Variants in GPLD1 observed in about 807,000 individuals in gnomAD.
GPLD1 encodes phosphatidylinositol-glycan-specific phospholipase D.
In GPLD1, 84 loss-of-function variants were observed where a neutral mutation model predicts 112.6. That is an observed-to-expected ratio of 0.75 (90% confidence interval 0.63 to 0.89). The LOEUF is 0.89. Among genes scored for constraint, GPLD1 ranks in the 40% least tolerant of loss-of-function variants. The pLI, the probability that GPLD1 is intolerant of heterozygous loss-of-function variation, is 0.00. For missense variants in GPLD1, 1,044 were observed against 1,051.5 expected, an observed-to-expected ratio of 0.99 and a Z score of 0.10; for synonymous variants, 386 against 403.8, an observed-to-expected ratio of 0.96 and a Z score of 0.53.
intron 24 of GPLD1, among the ~76,000 whole-genome samples, chr6:24,431,750 G>A (rs1215520065): frequency 2.6e-5 from 4 of 151,950 alleles, no homozygotes; most frequent in Non-Finnish European, 5.9e-5. Flanking sequence ...GACCAGGCTG[G>A]TCTTGAACTC....
At chr6:24,438,137 G>A (rs1581732986) in intron 20 of GPLD1, among the ~76,000 whole-genome samples, 2 of 152,212 alleles carry the variant, frequency 1.3e-5, no homozygotes, top group Non-Finnish European at 1.5e-5. Context: ...GGGCAGCATC[G>A]CTCTGCATTC....
chr6:24,465,358 T>C (rs1763571204), intron 10 of GPLD1, among the ~76,000 whole-genome samples: 1 of 151,518 alleles, frequency 6.6e-6, no homozygotes, highest in South Asian at 2.1e-4. Context: ...CTGGGCAACA[T>C]GGTAAAACCC....
chr6:24,460,776 G>C (rs371801866), intron 11 of GPLD1, among the ~76,000 whole-genome samples: 3 of 141,664 alleles, frequency 2.1e-5, no homozygotes, highest in African/African-American at 8.0e-5. Context: ...GTCTTGCTCT[G>C]TCACCTAGGC....
intron 11 of GPLD1, among the ~76,000 whole-genome samples, chr6:24,461,725 T>C (rs1386103598): frequency 2.0e-5 from 3 of 152,196 alleles, no homozygotes; most frequent in Non-Finnish European, 4.4e-5. Context: ...CTTAACAATG[T>C]CCACAATTAC....
At chr6:24,434,937 T>C (rs575709603) in intron 22 of GPLD1, among the ~76,000 whole-genome samples, 1 of 151,494 alleles carries the variant, frequency 6.6e-6, no homozygotes, top group Non-Finnish European at 1.5e-5. Context: ...CCCAAAGTGC[T>C]GGGATTACAA....
chr6:24,445,924 C>T (rs371982907), intron 18 of GPLD1, 93 bp from the exon 19 acceptor site: 10 of 847,030 alleles, frequency 1.2e-5, no homozygotes, highest in South Asian at 7.0e-5. Flanking sequence ...CACCTCCCCC[C>T]ATCCAGGCCT....
In GPLD1 at chr6:24,436,658, T is replaced by C. The variant is rs1306272150; in HGVS notation, c.2276A>G (p.Tyr759Cys). The C allele has an allele frequency of 1.2e-6, 2 of 1,613,962 alleles. No homozygotes were observed. Among genetic ancestry groups the C allele is most frequent in the South Asian group, 1.1e-5 (1 of 91,080 alleles). Reference sequence around the variant, plus strand: ...GGTGGTCTCTTTGCCATTATATACATATACTCGGCCGTCTTCTCCCCCAAT... The same window carrying C: ...GGTGGTCTCTTTGCCATTATATACACATACTCGGCCGTCTTCTCCCCCAAT... ...GLIGGEDGRV[Y>C]VYNGKETTLG... The change falls in exon 22 of 25, where the codon TAT becomes TGT. Residue 759 changes from tyrosine (Y) to cysteine (C), a missense_variant. Tyr to Cys is a radical substitution (Grantham distance 194, BLOSUM62 -2). Transcript: ENST00000230036.
chr6:24,446,875 G>T lies in GPLD1; in HGVS notation c.1783C>A (p.Leu595Met), dbSNP rs1217541512. The T allele has an allele frequency of 6.2e-7, 1 of 1,613,818 alleles. No individual in the cohort carries two copies. The highest frequency in any genetic ancestry group is 8.5e-7 in the Non-Finnish European group (1 of 1,179,926). Residue 595 changes from leucine (L) to methionine (M), a missense_variant, in exon 18 of 25, where the codon CTG (leucine) becomes ATG (methionine). Transcript: ENST00000230036. ...TTCCAGGTCGGGCTCCCAACCAACA[G>T]CAAGGTTCTGTTGTCCACAGTGACA... ...HGVTVDNRTL[L>M]LVGSPTWKNA...
chr6:24,489,180 C>G (rs890105607), intron 1 of GPLD1, among the ~76,000 whole-genome samples: 2 of 152,174 alleles, frequency 1.3e-5, no homozygotes, highest in African/African-American at 4.8e-5. Context: ...ACAGGGGTCC[C>G]ATGACCAATG....
At chr6:24,470,427 ACT>A (rs1297870179) in intron 7 of GPLD1, among the ~76,000 whole-genome samples, 3 of 152,156 alleles carry the variant, frequency 2.0e-5, no homozygotes, top group South Asian at 2.1e-4. Flanking sequence ...AGCAAAGCAA[ACT>A]CTGACAGAAC....
chr6:24,438,456 C>T (rs577394760), intron 20 of GPLD1, among the ~76,000 whole-genome samples: 36 of 152,292 alleles, frequency 2.4e-4, no homozygotes, highest in African/African-American at 8.2e-4. Flanking sequence ...CTCACGTCAG[C>T]GTCCACTGAG....
chr6:24,431,610 C>G (rs140725799), intron 24 of GPLD1, among the ~76,000 whole-genome samples: 1 of 150,916 alleles, frequency 6.6e-6, no homozygotes, highest in Admixed American at 6.6e-5. Flanking sequence ...TCTAGGCTCA[C>G]GGCAACCTCC....
At chr6:24,489,004 A>G (rs751651928) in intron 1 of GPLD1, among the ~76,000 whole-genome samples, 1 of 152,124 alleles carries the variant, frequency 6.6e-6, no homozygotes, top group Non-Finnish European at 1.5e-5. Flanking sequence ...CTCTTTACAT[A>G]TACTTGGAAA....
Position 24,436,564 on chromosome 6 carries a change from T to A in GPLD1, c.2358+12A>T. On this transcript the variant is annotated intron_variant, in intron 22 of 24. Coordinates refer to ENST00000230036, the MANE Select transcript of GPLD1 (RefSeq NM_001503.4). ...TTTCCCAATAAGTTATAGAATTTTG[T>A]AGAACACTTACCTTTTCTTCTGGAC... is the stretch of plus-strand genomic sequence containing the variant. The A allele has an allele frequency of 6.2e-7, 1 of 1,610,050 alleles. No homozygotes were observed. Among genetic ancestry groups the A allele is most frequent in the South Asian group, 1.1e-5 (1 of 90,898 alleles).
At chr6:24,487,345 G>T (rs1183577466) in intron 1 of GPLD1, among the ~76,000 whole-genome samples, 2 of 146,934 alleles carry the variant, frequency 1.4e-5, no homozygotes, top group East Asian at 1.9e-4. Context: ...TGGAGTTTTG[G>T]TCTTCTTCTA....
chr6:24,449,946 G>T (rs779210711), intron 14 of GPLD1, 47 bp from the exon 15 acceptor site: 1 of 1,179,628 alleles, frequency 8.5e-7, no homozygotes, highest in Non-Finnish European at 1.2e-6. Flanking sequence ...CACGGCCTCG[G>T]AAAGAGCACT....
At chr6:24,434,573 C>T (rs1219225443) in intron 22 of GPLD1, among the ~76,000 whole-genome samples, 1 of 152,128 alleles carries the variant, frequency 6.6e-6, no homozygotes, top group African/African-American at 2.4e-5. Flanking sequence ...AACTTCCTCG[C>T]TGATCTTTAA....
chr6:24,475,105 A>C lies in GPLD1; in HGVS notation c.441+16T>G, dbSNP rs766534229. The C allele has an allele frequency of 1.6e-6, 2 of 1,267,854 alleles. No individual in the cohort carries two copies. The allele number at this position is 1,267,854 out of a possible 1,614,324, so 78.5% of individuals were successfully genotyped here. A position where few individuals can be genotyped will look rare whatever the true frequency, so the allele number is the denominator to read the frequency against. On this transcript the variant is annotated intron_variant, in intron 5 of 24. Transcript: ENST00000230036. Reference sequence around the variant, plus strand: ...TCACTCCCATAAAGTCATTCCCCATAAAGGGATGTACTCACAGCTCCCATG... The same window carrying C: ...TCACTCCCATAAAGTCATTCCCCATCAAGGGATGTACTCACAGCTCCCATG...
At position 24,447,997 on chromosome 6, in the gene GPLD1, C is replaced by T. The variant is rs1161556271; in HGVS notation, c.1558G>A (p.Ala520Thr). Reference protein sequence around the residue: ...YCNLGWTLLAADVNGDSEPDL... With the variant: ...YCNLGWTLLATDVNGDSEPDL... Reference sequence around the variant, plus strand: ...GGTTCACTGTCTCCATTCACATCTGCAGCCAAGAGAGTCCAGCCCAAGTTA... The same window carrying T: ...GGTTCACTGTCTCCATTCACATCTGTAGCCAAGAGAGTCCAGCCCAAGTTA... Residue 520 changes from alanine to threonine, a missense_variant, in exon 17 of 25, where the codon GCA becomes ACA. Ala to Thr is a moderately conservative substitution (Grantham distance 58, BLOSUM62 0). Transcript: ENST00000230036. 2.0e-5 allele frequency: 33 copies of T among 1,613,648 alleles called. No individual in the cohort carries two copies. Among genetic ancestry groups the T allele is most frequent in the Non-Finnish European group, 2.5e-5 (29 of 1,179,976 alleles).
Sources: allele counts gnomAD v4.1 joint callset (sites outside exome capture counted in the v4.1 genomes callset), GRCh38; gene constraint gnomAD v4.1.1; transcripts MANE v1.5; gene names NCBI Gene and HGNC (gene_info 2026-07-23, HGNC 2026-07-21).